Variants in HECW1 observed in about 807,000 individuals in gnomAD.
HECW1 encodes the protein HECT, C2 and WW domain containing E3 ubiquitin protein ligase 1.
HECW1 carries 61 observed loss-of-function variants against 182.3 expected under a neutral mutation model. The ratio of observed to expected loss-of-function variants is 0.33; its 90% CI spans 0.27 to 0.41. HECW1 has a LOEUF of 0.41. HECW1 is among the 10% of genes least tolerant of loss of function. The pLI is 1.00. For missense variants in HECW1, 1,739 were observed against 2,108.9 expected, an observed-to-expected ratio of 0.82 and a Z score of 3.44; for synonymous variants, 859 against 832.6, an observed-to-expected ratio of 1.03 and a Z score of -0.55.
At chr7:43,117,563 C>G (rs963303305) in intron 2 of HECW1, among the ~76,000 whole-genome samples, 1 of 152,098 alleles carries the variant, frequency 6.6e-6, no homozygotes, top group East Asian at 1.9e-4. Flanking sequence ...CAGGTCGAAT[C>G]TTTTAACGAT....
intron 17 of HECW1, among the ~76,000 whole-genome samples, chr7:43,486,144 T>G (rs953626499): frequency 1.3e-5 from 2 of 152,164 alleles, no homozygotes; most frequent in African/African-American, 4.8e-5. Context: ...TTGCTGAGAA[T>G]GATGGTTTCC....
intron 2 of HECW1, among the ~76,000 whole-genome samples, chr7:43,127,523 C>CA (rs71562078): frequency 0.11 from 5,698 of 53,988 alleles, 226 homozygotes; most frequent in East Asian, 0.18. Flanking sequence ...AACTCCATCT[C>CA]AAAAAAAAAA....
intron 19 of HECW1, among the ~76,000 whole-genome samples, chr7:43,497,661 G>A (rs570391918): frequency 1.3e-5 from 2 of 152,220 alleles, no homozygotes; most frequent in East Asian, 3.9e-4. Flanking sequence ...GTGGATAATG[G>A]GAAAATATGG....
At chr7:43,381,135 G>C (rs746182005) in intron 6 of HECW1, among the ~76,000 whole-genome samples, 30 of 152,118 alleles carry the variant, frequency 2.0e-4, no homozygotes, top group Non-Finnish European at 3.4e-4. Flanking sequence ...TTGGCCATTG[G>C]ATTCCTGCTT....
intron 3 of HECW1, among the ~76,000 whole-genome samples, chr7:43,246,446 C>T (rs2152722167): frequency 6.6e-6 from 1 of 152,330 alleles, no homozygotes; most frequent in East Asian, 1.9e-4. Flanking sequence ...AACACCGGTT[C>T]TCAACCAGGG....
intron 11 of HECW1, 135 bp downstream of exon 11, chr7:43,445,705 T>C (rs551510922): frequency 1.9e-6 from 2 of 1,066,966 alleles, no homozygotes; most frequent in South Asian, 3.4e-5. Context: ...CTGTCTTGTA[T>C]ATACATGTGT....
intron 10 of HECW1, among the ~76,000 whole-genome samples, chr7:43,443,980 C>T (rs1189518055): frequency 1.3e-5 from 2 of 152,164 alleles, no homozygotes; most frequent in Non-Finnish European, 2.9e-5. Context: ...AGATGAATTC[C>T]CTTTTTGAAT....
rs953467823 is a variant in HECW1 at position 43,409,143 on chromosome 7, G to T, written c.801+1412G>T. On this transcript the variant is annotated intron_variant, in intron 8 of 29. Coordinates refer to ENST00000395891, the MANE Select transcript of HECW1 (RefSeq NM_015052.5). ...ACCACCCCCTTCCTGGGCTTAATTA[G>T]CGCTCTCCCAGGCTTCCCAGAAGAG... Among the ~76,000 whole-genome samples, 22 of 152,170 alleles carry T rather than the reference G, an allele frequency of 1.4e-4. 1 individual carries two copies. The highest frequency in any genetic ancestry group is 3.9e-4 in the African/African-American group (16 of 41,446).
chr7:43,535,507 G>A (rs2081147923), intron 24 of HECW1, among the ~76,000 whole-genome samples: 2 of 152,118 alleles, frequency 1.3e-5, no homozygotes, highest in Non-Finnish European at 1.5e-5. Flanking sequence ...CCAGTTCACA[G>A]TCCCAGTGCA....
intron 2 of HECW1, among the ~76,000 whole-genome samples, chr7:43,141,039 G>T (rs1298429995): frequency 6.6e-6 from 1 of 152,196 alleles, no homozygotes; most frequent in Non-Finnish European, 1.5e-5. Flanking sequence ...ATACAGCCAT[G>T]CGGTGGGTTA....
chr7:43,137,550 T>TTATTTATTTATTTATG (rs1787689895), intron 2 of HECW1, among the ~76,000 whole-genome samples: 1 of 151,082 alleles, frequency 6.6e-6, no homozygotes, highest in African/African-American at 2.4e-5. Context: ...ATTTATTTAT[T>TTATTTATTTATTTATG]TATTTATTTA....
chr7:43,469,702 A>C (rs971928125), intron 16 of HECW1, among the ~76,000 whole-genome samples: 1 of 152,212 alleles, frequency 6.6e-6, no homozygotes, highest in African/African-American at 2.4e-5. Context: ...GAGTCTGAAA[A>C]CAAGAAGGAT....
chr7:43,562,292 G>A lies in HECW1; in HGVS notation c.*366G>A. 4.1e-6 allele frequency: 1 copy of A among 245,192 alleles called. No homozygotes were observed. The highest frequency in any genetic ancestry group is 2.2e-5 in the African/African-American group (1 of 45,506). The allele number at this position is 245,192 out of a possible 1,614,324, so 15.2% of individuals were successfully genotyped here. On this transcript the variant is annotated 3_prime_UTR_variant, in exon 30 of 30. Transcript: ENST00000395891. ...TTTACTTCCATTTCTATCATTGAAGGGAAAATGTGAGCATTAAGCACTCCA... is the reference window on the plus strand; with the variant it reads ...TTTACTTCCATTTCTATCATTGAAGAGAAAATGTGAGCATTAAGCACTCCA...
At chr7:43,148,812 T>C (rs765726560) in intron 2 of HECW1, 2 of 151,814 alleles carry the variant, frequency 1.3e-5, no homozygotes, top group Non-Finnish European at 2.9e-5. Context: ...CTTGCTAAAA[T>C]ACAGATTCTG....
intron 9 of HECW1, 103 bp from the exon 10 acceptor site, chr7:43,442,425 TC>T (rs2076917797): frequency 2.7e-6 from 2 of 748,424 alleles, no homozygotes; most frequent in African/African-American, 3.5e-5. Flanking sequence ...CATCAGGACT[TC>T]CCTGGGCTTG....
rs2077665831 is a variant in HECW1 at position 43,463,749 on chromosome 7, G to A, written c.2741G>A (p.Gly914Asp). Residue 914 changes from glycine to aspartate, a missense_variant, in exon 14 of 30, where the codon GGC becomes GAC. Transcript: ENST00000395891. ...TGCGAGCAAGCCCCAGCAGGAGGAG[G>A]CGGAGGTGGAGGGAGTGACTCAGAA... ...QSCEQAPAGG[G>D]GGGGSDSEAE... 1 of 1,614,022 alleles carries A rather than the reference G, an allele frequency of 6.2e-7. No individual in the cohort carries two copies. The highest frequency in any genetic ancestry group is 1.1e-5 in the South Asian group (1 of 91,082).
chr7:43,164,807 G>C (rs1459392602), intron 2 of HECW1, among the ~76,000 whole-genome samples: 3 of 152,234 alleles, frequency 2.0e-5, no homozygotes, highest in African/African-American at 7.2e-5. Flanking sequence ...TCCAGAATTA[G>C]AAAGGAGATG....
At position 43,563,118 on chromosome 7, in the gene HECW1, A is replaced by G; in HGVS notation, c.*1192A>G. 1 of 204,242 alleles carries G rather than the reference A, an allele frequency of 4.9e-6. No individual in the cohort carries two copies. Among genetic ancestry groups the G allele is most frequent in the African/African-American group, 2.3e-5 (1 of 43,770 alleles). 12.7% of individuals were successfully genotyped at this position (204,242 alleles called of 1,614,324 possible). A position where few individuals can be genotyped will look rare whatever the true frequency, so the allele number is the denominator to read the frequency against. On this transcript the variant is annotated 3_prime_UTR_variant, in exon 30 of 30. Transcript: ENST00000395891. ...AGAGTGATGGTGCTTGTTAGGGATC[A>G]AGGGCAACATAGTACTTCTCCTTCA...
chr7:43,445,093 G>A lies in HECW1; in HGVS notation c.1921G>A (p.Ala641Thr). Residue 641 changes from alanine (A) to threonine (T), a missense_variant, in exon 11 of 30, where the codon GCC (alanine) becomes ACC (threonine). This residue lies in a region of HECW1 where 971 missense variants were observed against 1,029.1 expected (regional missense o/e 0.94). Transcript: ENST00000395891. ...GHSGGHFPSL[A>T]NGAAQDGDTH... ...CTCCGGGGGCCACTTCCCCAGCCTG[G>A]CCAATGGCGCGGCCCAGGATGGCGA... 5 of 1,604,514 alleles carry A rather than the reference G, an allele frequency of 3.1e-6. No homozygotes were observed. Among genetic ancestry groups the A allele is most frequent in the Non-Finnish European group, 4.2e-6 (5 of 1,177,008 alleles).
Sources: allele counts gnomAD v4.1 joint callset (sites outside exome capture counted in the v4.1 genomes callset), GRCh38; gene constraint gnomAD v4.1.1; regional missense constraint gnomAD v4.1.1; transcripts MANE v1.5; gene names NCBI Gene and HGNC (gene_info 2026-07-23, HGNC 2026-07-21).